Variants in CPEB3 observed in about 807,000 individuals in gnomAD.
CPEB3 encodes cytoplasmic polyadenylation element binding protein 3, also known as cytoplasmic polyadenylation element-binding protein 3.
A neutral mutation model predicts 67.2 loss-of-function variants in CPEB3; 20 were observed. That is an observed-to-expected ratio of 0.30 (90% CI 0.21 to 0.43). The LOEUF is 0.43. Among genes scored for constraint, CPEB3 ranks in the 20% least tolerant of loss-of-function variants. CPEB3 has a pLI of 1.00. For synonymous variants in CPEB3, 376 were observed against 393.1 expected (o/e 0.96, Z 0.51); for missense variants, 746 against 968.6 (o/e 0.77, Z 3.05).
In CPEB3 at chr10:92,145,104, A is replaced by G. The variant is rs778371944; in HGVS notation, c.1223-19T>C. On this transcript the variant is annotated intron_variant, in intron 4 of 9. Transcript: ENST00000265997. ...AAGGCATCTTCAAAGGGAAAGAGAG[A>G]AGATCGACCTGAAACAAATGTGGGA... 2 of 1,613,194 alleles carry G rather than the reference A, an allele frequency of 1.2e-6. No homozygotes were observed. Among genetic ancestry groups the G allele is most frequent in the Non-Finnish European group, 8.5e-7 (1 of 1,179,386 alleles).
chr10:92,120,939 G>A (rs1845339534), intron 6 of CPEB3, among the ~76,000 whole-genome samples: 1 of 152,034 alleles, frequency 6.6e-6, no homozygotes, highest in Non-Finnish European at 1.5e-5. Flanking sequence ...GACCTCAGGT[G>A]ATCCACCCAC....
chr10:92,072,375 C>T (rs561398810), intron 9 of CPEB3, among the ~76,000 whole-genome samples: 1 of 152,112 alleles, frequency 6.6e-6, no homozygotes, highest in Admixed American at 6.5e-5. Context: ...AAAAAAGAGC[C>T]AACAATTAGC....
At position 92,239,364 on chromosome 10, in the gene CPEB3, G is replaced by A. The variant is rs149030779; in HGVS notation, c.987C>T (p.Asn329=). 33 of 1,606,118 alleles carry A rather than the reference G, an allele frequency of 2.1e-5. No homozygotes were observed. The African/African-American group carries it at 4.0e-4, about 20-fold the overall frequency. ...EDNAFRTDNG[N]NLLPFQDRSR... ...GTATTACCTGAAATGGCAACAGATT[G>A]TTACCATTATCGGTCCGGAAAGCGT... The change falls in exon 2 of 10, where the codon AAC becomes AAT. Residue 329 remains asparagine (N), a synonymous_variant. Transcript: ENST00000265997. The surrounding 1 kb of genome is among the most constrained non-coding windows in gnomAD (Gnocchi z 6.0).
intron 6 of CPEB3, among the ~76,000 whole-genome samples, chr10:92,113,976 G>A (rs1361492150): frequency 1.3e-5 from 2 of 152,128 alleles, no homozygotes; most frequent in Non-Finnish European, 2.9e-5. Flanking sequence ...TCTTTAGGAT[G>A]GCTCTTTTAC....
Position 92,240,361 on chromosome 10 carries a change from G to A in CPEB3, c.-11C>T, listed in dbSNP as rs566091246. ...TAAATCATCCTGCATGGTTTGCGCA[G>A]CTGAAACGGGAAAAAAGAGAGACGC... On this transcript the variant is annotated splice_region_variant and 5_prime_UTR_variant, in exon 2 of 10. Coordinates refer to ENST00000265997, the MANE Select transcript of CPEB3 (RefSeq NM_014912.5). The A allele has an allele frequency of 2.6e-4, 369 of 1,440,994 alleles. No homozygotes were observed. The highest frequency in any genetic ancestry group is 3.1e-4 in the Non-Finnish European group (339 of 1,093,008). The allele number at this position is 1,440,994 out of a possible 1,614,324, so 89.3% of individuals were successfully genotyped here. A position where few individuals can be genotyped will look rare whatever the true frequency, so the allele number is the denominator to read the frequency against.
At chr10:92,233,773 T>C (rs1248323792) in intron 2 of CPEB3, among the ~76,000 whole-genome samples, 1 of 152,026 alleles carries the variant, frequency 6.6e-6, no homozygotes, top group Non-Finnish European at 1.5e-5. Flanking sequence ...TCATAAAATA[T>C]AAAACTCCTT....
chr10:92,142,072 C>T (rs567675260), intron 6 of CPEB3, among the ~76,000 whole-genome samples: 1 of 151,430 alleles, frequency 6.6e-6, no homozygotes, highest in Non-Finnish European at 1.5e-5. Context: ...AAGCAACAGC[C>T]CTCTATATTA....
At position 92,238,370 on chromosome 10, in the gene CPEB3, C is replaced by T. The variant is rs191176196; in HGVS notation, c.1005+976G>A. 2.6e-4 allele frequency among the ~76,000 whole-genome samples: 40 copies of T among 152,300 alleles called. 1 individual carries two copies. Among genetic ancestry groups the T allele is most frequent in the African/African-American group, 9.6e-4 (40 of 41,568 alleles). On this transcript the variant is annotated intron_variant, in intron 2 of 9. Transcript: ENST00000265997. ...CAGAAAGCAAGAACAGAAATAAGGA[C>T]ACTCTTCATTTCAACCTTTTTGTCT...
chr10:92,282,750 C>T (rs1341644734), intron 1 of CPEB3, among the ~76,000 whole-genome samples: 1 of 152,074 alleles, frequency 6.6e-6, no homozygotes, highest in Admixed American at 6.6e-5. Context: ...ATTCTGGGGA[C>T]CAAAGTCTCC....
rs1252177241 is a variant in CPEB3, at chr10:92,290,925, C to G, written c.-12+1G>C. On this transcript the variant is annotated splice_donor_variant, in intron 1 of 9. Transcript: ENST00000265997. LOFTEE classifies it low-confidence loss of function (5UTR_SPLICE). ...AAAACAAACAGGCAGGGAGGGCTGA[C>G]CTTGTTGCTACCGACAGTGGAGCGG... 1 of 155,898 alleles carries G rather than the reference C, an allele frequency of 6.4e-6. No homozygotes were observed. Among genetic ancestry groups the G allele is most frequent in the East Asian group, 1.9e-4 (1 of 5,212 alleles). The allele number at this position is 155,898 out of a possible 1,614,324, so 9.7% of individuals were successfully genotyped here. A position where few individuals can be genotyped will look rare whatever the true frequency, so the allele number is the denominator to read the frequency against.
At chr10:92,078,318 T>C (rs754467485) in intron 9 of CPEB3, among the ~76,000 whole-genome samples, 3 of 152,192 alleles carry the variant, frequency 2.0e-5, no homozygotes, top group Non-Finnish European at 4.4e-5. Context: ...TCAAGCTATA[T>C]AATATTAACA....
At chr10:92,069,933 T>C (rs1425593767) in intron 9 of CPEB3, among the ~76,000 whole-genome samples, 1 of 152,132 alleles carries the variant, frequency 6.6e-6, no homozygotes, top group African/African-American at 2.4e-5. Flanking sequence ...TCAACCACAA[T>C]GTCAATGCCC....
At chr10:92,282,818 A>G (rs573978110) in intron 1 of CPEB3, among the ~76,000 whole-genome samples, 1 of 152,372 alleles carries the variant, frequency 6.6e-6, no homozygotes, top group East Asian at 1.9e-4. Context: ...CTTAACCTAT[A>G]TAAGGATCAT....
chr10:92,090,528 C>A (rs976853673), intron 8 of CPEB3, among the ~76,000 whole-genome samples: 5 of 152,236 alleles, frequency 3.3e-5, no homozygotes, highest in Admixed American at 1.3e-4. Context: ...GGCAACAGAG[C>A]GAGACTCCAT....
At chr10:92,245,133 CT>C (rs989695063) in intron 1 of CPEB3, among the ~76,000 whole-genome samples, 3,961 of 97,912 alleles carry the variant, frequency 0.04, 16 homozygotes, top group Non-Finnish European at 0.062. Flanking sequence ...AGAAAAGAGT[CT>C]TTTTTTTTTT....
chr10:92,274,446 C>T (rs1232163773), intron 1 of CPEB3, among the ~76,000 whole-genome samples: 1 of 152,214 alleles, frequency 6.6e-6, no homozygotes, highest in Non-Finnish European at 1.5e-5. Context: ...CATATGAATA[C>T]AAGCTCTACA....
chr10:92,153,124 GTTTTATTCTAGAATCATCCATACCTTTAA>G (rs1847040614), intron 4 of CPEB3, among the ~76,000 whole-genome samples: 1 of 152,168 alleles, frequency 6.6e-6, no homozygotes, highest in South Asian at 2.1e-4. Flanking sequence ...TCACGTCCAT[GTTTTATTCTAGAATCATCCATACCTTTAA>G]ACAAGCAAGC....
chr10:92,186,401 A>C (rs371045735), intron 3 of CPEB3, among the ~76,000 whole-genome samples: 33 of 150,770 alleles, frequency 2.2e-4, no homozygotes, highest in East Asian at 1.6e-3. Context: ...AAATAATAAT[A>C]ATCATCATCA....
intron 6 of CPEB3, chr10:92,118,566 C>T (rs747864831): frequency 1.0e-5 from 3 of 296,824 alleles, no homozygotes; most frequent in Non-Finnish European, 1.9e-5. Context: ...GGCATGAACT[C>T]TTCTAATGAT....
Sources: allele counts gnomAD v4.1 joint callset (sites outside exome capture counted in the v4.1 genomes callset), GRCh38; gene constraint gnomAD v4.1.1; non-coding constraint Gnocchi (gnomAD v3.1); transcripts MANE v1.5; gene names NCBI Gene and HGNC (gene_info 2026-07-23, HGNC 2026-07-21).